Variants in RBCK1 observed in about 807,000 individuals in gnomAD.
The protein encoded by RBCK1 is RANBP2-type and C3HC4-type zinc finger containing 1, also known as ranBP-type and C3HC4-type zinc finger-containing protein 1.
In RBCK1, 44 loss-of-function variants were observed where a neutral mutation model predicts 71.1. That is an observed-to-expected ratio of 0.62 (90% confidence interval 0.49 to 0.80). RBCK1 has a LOEUF of 0.80. RBCK1 is among the 30% of genes least tolerant of loss of function. The pLI, the probability that RBCK1 is intolerant of heterozygous loss-of-function variation, is 0.00. For missense variants in RBCK1, 569 were observed against 685.0 expected (o/e 0.83, Z 1.89); for synonymous variants, 306 against 279.7 (o/e 1.09, Z -0.94).
chr20:408,411 G>T lies in RBCK1; in HGVS notation c.-347G>T, dbSNP rs956264755. 19 of 447,958 alleles carry T rather than the reference G, an allele frequency of 4.2e-5. No homozygotes were observed. Among genetic ancestry groups the T allele is most frequent in the South Asian group, 3.6e-4 (13 of 36,266 alleles). The allele number at this position is 447,958 out of a possible 1,614,324, so 27.7% of individuals were successfully genotyped here. On this transcript the variant is annotated 5_prime_UTR_variant, in exon 1 of 12. Transcript: ENST00000356286. ...GGACGCCAGGGGCGCTCCCGCAAGT[G>T]GGGGTCCTCCGGGACTTGGAACGCC... is the stretch of plus-strand genomic sequence containing the variant.
rs752502262 is a variant in RBCK1 at position 430,664 on chromosome 20, T to C, written c.*234T>C. 7 of 569,232 alleles carry C rather than the reference T, an allele frequency of 1.2e-5. No individual in the cohort carries two copies. Among genetic ancestry groups the C allele is most frequent in the East Asian group, 1.2e-4 (4 of 33,376 alleles). 35.3% of individuals were successfully genotyped at this position (569,232 alleles called of 1,614,324 possible). On this transcript the variant is annotated 3_prime_UTR_variant, in exon 12 of 12. Coordinates refer to ENST00000356286, the MANE Select transcript of RBCK1 (RefSeq NM_031229.4). This position sits in a 1 kb window ranked among gnomAD's most constrained non-coding sequence, Gnocchi z 5.6. ...CTCTGCCTGACCCCAGCCTTAAACA[T>C]AGCCCCTGGCCAGAGGCCTTGCTGG...
In RBCK1 at chr20:417,455, A is replaced by C; in HGVS notation, c.168-71A>C. 1.5e-6 allele frequency: 2 copies of C among 1,327,694 alleles called. No individual in the cohort carries two copies. The highest frequency in any genetic ancestry group is 2.2e-6 in the Non-Finnish European group (2 of 922,716). The allele number at this position is 1,327,694 out of a possible 1,614,324, so 82.2% of individuals were successfully genotyped here. Reference sequence around the variant, plus strand: ...CATGTGCCTGTGTGCAAATATGTACATGTCTGTAGCCGGTGGCTGAGGCTG... The same window carrying C: ...CATGTGCCTGTGTGCAAATATGTACCTGTCTGTAGCCGGTGGCTGAGGCTG... On this transcript the variant is annotated intron_variant, in intron 2 of 11. Transcript: ENST00000356286. This position sits in a 1 kb window ranked among gnomAD's most constrained non-coding sequence, Gnocchi z 4.7.
At position 431,394 on chromosome 20, in the gene RBCK1, C is replaced by T. The variant is rs1600321307; in HGVS notation, c.*964C>T. On this transcript the variant is annotated 3_prime_UTR_variant, in exon 12 of 12. Coordinates refer to ENST00000356286, the MANE Select transcript of RBCK1 (RefSeq NM_031229.4). The surrounding 1 kb of genome is among the most constrained non-coding windows in gnomAD (Gnocchi z 4.8). Reference sequence around the variant, plus strand: ...CGTCTCAAGCAAGATGGCACAGTATCGATTCAGCAGTATTTACTAGAACCC... The same window carrying T: ...CGTCTCAAGCAAGATGGCACAGTATTGATTCAGCAGTATTTACTAGAACCC... 6.6e-6 allele frequency among the ~76,000 whole-genome samples: 1 copy of T among 152,112 alleles called. No homozygotes were observed. The highest frequency in any genetic ancestry group is 1.5e-5 in the Non-Finnish European group (1 of 68,016).
rs1390429554 is a variant in RBCK1, at chr20:431,272, T to C, written c.*842T>C. ...GAAGTCTTGCCACTCCTGCTCCCTT[T>C]TGACCTCTCAGCAGGCATCTAGGGT... On this transcript the variant is annotated 3_prime_UTR_variant, in exon 12 of 12. Transcript: ENST00000356286. The surrounding 1 kb of genome is among the most constrained non-coding windows in gnomAD (Gnocchi z 4.8). Among the ~76,000 whole-genome samples, 1 of 152,152 alleles carries C rather than the reference T, an allele frequency of 6.6e-6. No homozygotes were observed. The highest frequency in any genetic ancestry group is 1.5e-5 in the Non-Finnish European group (1 of 68,020).
chr20:414,068 C>T (rs1041200680), intron 2 of RBCK1, among the ~76,000 whole-genome samples: 4 of 149,718 alleles, frequency 2.7e-5, no homozygotes. Context: ...AATTATAGAT[C>T]ATGATTATCG....
intron 8 of RBCK1, among the ~76,000 whole-genome samples, chr20:423,157 G>A (rs2016534585): frequency 6.6e-6 from 1 of 152,178 alleles, no homozygotes. Context: ...AAATTAGCCG[G>A]GTGTGGTGGC....
At position 430,378 on chromosome 20, in the gene RBCK1, G is replaced by A. The variant is rs2016957172; in HGVS notation, c.1481G>A (p.Arg494His). The A allele has an allele frequency of 4.3e-6, 7 of 1,613,358 alleles. No individual in the cohort carries two copies. The highest frequency in any genetic ancestry group is 5.9e-6 in the Non-Finnish European group (7 of 1,179,372). ...GGPGDTSGGCRCRVNGIPCHP... is the reference protein window; with the variant it reads ...GGPGDTSGGCHCRVNGIPCHP... ...CCAGGAGACACCAGCGGGGGCTGCC[G>A]CTGCAGGGTAAATGGGATTCCTTGC... Residue 494 changes from arginine (R) to histidine (H), a missense_variant, in exon 12 of 12, where the codon CGC (arginine) becomes CAC (histidine). By Grantham distance (29) the Arg-to-His change is conservative. Transcript: ENST00000356286. The surrounding 1 kb of genome is among the most constrained non-coding windows in gnomAD (Gnocchi z 5.6).
chr20:412,112 T>G (rs1178280172), intron 2 of RBCK1, among the ~76,000 whole-genome samples: 1 of 152,150 alleles, frequency 6.6e-6, no homozygotes, highest in Admixed American at 6.5e-5. Flanking sequence ...TATATGAGGG[T>G]TCTAGTTTCT....
chr20:412,507 C>T (rs887770579), intron 2 of RBCK1, among the ~76,000 whole-genome samples: 3 of 151,962 alleles, frequency 2.0e-5, no homozygotes, highest in South Asian at 2.1e-4. Flanking sequence ...TTAGTAGAGA[C>T]GGGTCTTACC....
In RBCK1 at chr20:421,946, G is replaced by A. The variant is rs149653480; in HGVS notation, c.918-181G>A. On this transcript the variant is annotated intron_variant, in intron 7 of 11. Transcript: ENST00000356286. ...AGAGAATCAGAGCGGCAGTATGGAG[G>A]CAGGGTGGAGGCCTTGGTGATGGGT... The A allele has an allele frequency of 1.9e-3, 1,083 of 576,816 alleles. 5 individuals are homozygous for A. In the Middle Eastern group the frequency reaches 0.02, roughly 11 times the overall value. The allele number at this position is 576,816 out of a possible 1,614,324, so 35.7% of individuals were successfully genotyped here. A position where few individuals can be genotyped will look rare whatever the true frequency, so the allele number is the denominator to read the frequency against.
chr20:427,071 G>A (rs1321162443), intron 8 of RBCK1, among the ~76,000 whole-genome samples: 1 of 151,874 alleles, frequency 6.6e-6, no homozygotes, highest in Non-Finnish European at 1.5e-5. Context: ...TTGGCCTCAA[G>A]GAATCCTCCT....
chr20:413,658 G>A (rs2015827427), intron 2 of RBCK1, among the ~76,000 whole-genome samples: 1 of 152,108 alleles, frequency 6.6e-6, no homozygotes, highest in African/African-American at 2.4e-5. Flanking sequence ...CAACATGGGG[G>A]GAATCTCAGG....
chr20:423,503 T>C (rs565521326), intron 8 of RBCK1, among the ~76,000 whole-genome samples: 3 of 151,998 alleles, frequency 2.0e-5, no homozygotes, highest in Non-Finnish European at 4.4e-5. Flanking sequence ...GAACATATTC[T>C]TACAAAAAAA....
At position 417,917 on chromosome 20, in the gene RBCK1, G is replaced by T; in HGVS notation, c.447G>T (p.Leu149=). ...NPQELQRERQ[L]RMLEDLGFKD... is the part of the protein sequence containing the mutation. The stretch of plus-strand genomic sequence containing the variant: ...AGGAGCTGCAGCGGGAGCGGCAGCT[G>T]CGGATGCTGGAAGGTGAGGCTCTGC... The change falls in exon 4 of 12, where the codon CTG becomes CTT. Residue 149 remains leucine (L), a synonymous_variant. Transcript: ENST00000356286. This position sits in a 1 kb window ranked among gnomAD's most constrained non-coding sequence, Gnocchi z 4.7. The T allele has an allele frequency of 6.2e-7, 1 of 1,607,432 alleles. No homozygotes were observed. Among genetic ancestry groups the T allele is most frequent in the African/African-American group, 1.3e-5 (1 of 75,066 alleles).
rs775281966 is a variant in RBCK1, at chr20:427,377, G to C, written c.1094G>C (p.Ser365Thr). ...DLGISIAENR[S>T]AFSYHCKTPD... ...GGCATCTCCATTGCTGAAAACCGCA[G>C]TGCCTTCAGCTACCATTGCAAGACC... Residue 365 changes from serine to threonine, a missense_variant, in exon 9 of 12, where the codon AGT becomes ACT. This residue lies in a region of RBCK1 where 211 missense variants were observed against 309.4 expected (regional missense o/e 0.68). Coordinates refer to ENST00000356286, the MANE Select transcript of RBCK1 (RefSeq NM_031229.4). 6.2e-7 allele frequency: 1 copy of C among 1,614,200 alleles called. No homozygotes were observed. The highest frequency in any genetic ancestry group is 8.5e-7 in the Non-Finnish European group (1 of 1,180,038).
At position 431,090 on chromosome 20, in the gene RBCK1, A is replaced by G. The variant is rs1340175779; in HGVS notation, c.*660A>G. On this transcript the variant is annotated 3_prime_UTR_variant, in exon 12 of 12. Coordinates refer to ENST00000356286, the MANE Select transcript of RBCK1 (RefSeq NM_031229.4). The surrounding 1 kb of genome is among the most constrained non-coding windows in gnomAD (Gnocchi z 4.8). ...TGACTTGTCAGTCCATCTGTGGTAG[A>G]ATGAGGCTGTGACTGAGCACTGGGA... 1 of 152,422 alleles carries G rather than the reference A, an allele frequency of 6.6e-6. No homozygotes were observed. The highest frequency in any genetic ancestry group is 1.5e-5 in the Non-Finnish European group (1 of 68,232). The allele number at this position is 152,422 out of a possible 1,614,324, so 9.4% of individuals were successfully genotyped here. A position where few individuals can be genotyped will look rare whatever the true frequency, so the allele number is the denominator to read the frequency against.
chr20:428,566 C>A lies in RBCK1; in HGVS notation c.1285C>A (p.Arg429=). 1 of 1,611,716 alleles carries A rather than the reference C, an allele frequency of 6.2e-7. No homozygotes were observed. Among genetic ancestry groups the A allele is most frequent in the South Asian group, 1.1e-5 (1 of 90,410 alleles). Reference sequence around the variant, plus strand: ...GCGGGCTCAGAACGATGTGGCTGCCCGGCAGACGACAGAGATGCTGAAGGT... The same window carrying A: ...GCGGGCTCAGAACGATGTGGCTGCCAGGCAGACGACAGAGATGCTGAAGGT... ...ALRAQNDVAA[R]QTTEMLKVML... The change falls in exon 10 of 12, where the codon CGG becomes AGG. Residue 429 remains arginine, a synonymous_variant. Coordinates refer to ENST00000356286, the MANE Select transcript of RBCK1 (RefSeq NM_031229.4). The surrounding 1 kb of genome is among the most constrained non-coding windows in gnomAD (Gnocchi z 5.7).
At chr20:418,515 C>A (rs894144682) in intron 4 of RBCK1, among the ~76,000 whole-genome samples, 4 of 152,078 alleles carry the variant, frequency 2.6e-5, no homozygotes, top group East Asian at 1.9e-4. Context: ...ACTACAGGCG[C>A]CCGCCACCAC....
intron 8 of RBCK1, among the ~76,000 whole-genome samples, chr20:423,098 G>A (rs1036019352): frequency 3.3e-4 from 51 of 152,278 alleles, no homozygotes; most frequent in African/African-American, 1.0e-3. Context: ...TCGGGAATTC[G>A]AGATCAGCCT....
Sources: allele counts gnomAD v4.1 joint callset (sites outside exome capture counted in the v4.1 genomes callset), GRCh38; gene constraint gnomAD v4.1.1; regional missense constraint gnomAD v4.1.1; non-coding constraint Gnocchi (gnomAD v3.1); transcripts MANE v1.5; gene names NCBI Gene and HGNC (gene_info 2026-07-23, HGNC 2026-07-21).